PTPRD: variants seen among roughly 807,000 people sequenced by gnomAD.
PTPRD encodes receptor-type tyrosine-protein phosphatase delta.
PTPRD carries 34 observed loss-of-function variants against 214.5 expected under a neutral mutation model. That is an observed-to-expected ratio of 0.16 (90% CI 0.12 to 0.21). PTPRD has a LOEUF of 0.21. Ranked by LOEUF, PTPRD falls within the 10% of genes least tolerant of loss-of-function variation. The pLI is 1.00. For synonymous variants in PTPRD, 1,128 were observed against 845.7 expected, an observed-to-expected ratio of 1.33 and a Z score of -5.79; for missense variants, 2,545 against 2,398.7, an observed-to-expected ratio of 1.06 and a Z score of -1.27.
chr9:10,004,415 C>T (rs1385084458), intron 4 of PTPRD, among the ~76,000 whole-genome samples: 1 of 151,848 alleles, frequency 6.6e-6, no homozygotes, highest in Non-Finnish European at 1.5e-5. Flanking sequence ...ATTTGCAGAA[C>T]CCCAATCCCC....
intron 8 of PTPRD, among the ~76,000 whole-genome samples, chr9:9,557,686 C>A (rs954421591): frequency 2.6e-5 from 4 of 152,184 alleles, no homozygotes; most frequent in Middle Eastern, 3.2e-3. Context: ...TTAACCAAAA[C>A]ATTCCTTTCT....
intron 2 of PTPRD, among the ~76,000 whole-genome samples, chr9:10,471,795 A>G (rs1400751638): frequency 1.3e-5 from 2 of 152,124 alleles, no homozygotes; most frequent in Admixed American, 6.6e-5. Context: ...ATGTCAGAAA[A>G]TATTTATAAA....
intron 9 of PTPRD, among the ~76,000 whole-genome samples, chr9:9,195,086 G>GTATA (rs540804635): frequency 0.03 from 3,911 of 131,086 alleles, 77 homozygotes; most frequent in South Asian, 0.05. Context: ...GTGTGTTTGT[G>GTATA]TATATATATA....
chr9:9,589,999 G>C (rs1345295447), intron 7 of PTPRD, among the ~76,000 whole-genome samples: 1 of 151,884 alleles, frequency 6.6e-6, no homozygotes, highest in Non-Finnish European at 1.5e-5. Flanking sequence ...TTATTCAAAA[G>C]AGTAAGCAAC....
At chr9:8,882,101 G>T (rs1287032829) in intron 11 of PTPRD, among the ~76,000 whole-genome samples, 2 of 152,190 alleles carry the variant, frequency 1.3e-5, no homozygotes, top group East Asian at 3.9e-4. Flanking sequence ...GAAAAAGTGT[G>T]TTAGAGCAAG....
intron 20 of PTPRD, among the ~76,000 whole-genome samples, chr9:8,518,678 A>C (rs1004933198): frequency 2.6e-5 from 4 of 152,190 alleles, no homozygotes; most frequent in African/African-American, 7.2e-5. Flanking sequence ...TCCTCTACTT[A>C]TTAGCTAAGT....
Position 9,705,179 on chromosome 9 carries a change from T to A in PTPRD, c.-287+29354A>T, listed in dbSNP as rs532026000. ...TCAAATACAATTCAGTATATATTCATAGAATTGCATATGACAGATAATATT... is the reference window on the plus strand; with the variant it reads ...TCAAATACAATTCAGTATATATTCAAAGAATTGCATATGACAGATAATATT... On this transcript the variant is annotated intron_variant, in intron 7 of 45. Coordinates refer to ENST00000381196, the MANE Select transcript of PTPRD (RefSeq NM_002839.4). Among the ~76,000 whole-genome samples the A allele has an allele frequency of 2.6e-5, 4 of 152,314 alleles. No homozygotes were observed. In the South Asian group the frequency reaches 8.3e-4, roughly 32 times the overall value.
chr9:9,590,975 T>A (rs2092667517), intron 7 of PTPRD, among the ~76,000 whole-genome samples: 1 of 151,990 alleles, frequency 6.6e-6, no homozygotes, highest in Non-Finnish European at 1.5e-5. Flanking sequence ...TTTGGTATCT[T>A]AATTAGAATG....
At chr9:10,090,550 AT>A (rs962741987) in intron 3 of PTPRD, among the ~76,000 whole-genome samples, 2 of 150,936 alleles carry the variant, frequency 1.3e-5, no homozygotes, top group African/African-American at 4.9e-5. Context: ...TTTGATACAT[AT>A]TTTTAATGTA....
chr9:9,608,070 AAGATCAC>A (rs2094292469), intron 7 of PTPRD, among the ~76,000 whole-genome samples: 1 of 152,206 alleles, frequency 6.6e-6, no homozygotes, highest in Non-Finnish European at 1.5e-5. Flanking sequence ...CAAAGAGGTT[AAGATCAC>A]TGGCTCCAAA....
Position 10,054,886 on chromosome 9 carries a change from G to C in PTPRD, c.-544-21096C>G, listed in dbSNP as rs2097595809. Among the ~76,000 whole-genome samples the C allele has an allele frequency of 2.6e-5, 4 of 152,068 alleles. No homozygotes were observed. In the South Asian group the frequency reaches 8.3e-4, roughly 32 times the overall value. ...CCATATGTTGAAGTCCTCATACCCTGTGTGATGGTATTTGGGGGTGGGGTC... is the reference window on the plus strand; with the variant it reads ...CCATATGTTGAAGTCCTCATACCCTCTGTGATGGTATTTGGGGGTGGGGTC... On this transcript the variant is annotated intron_variant, in intron 3 of 45. Transcript: ENST00000381196.
At chr9:9,203,003 C>G (rs2099942763) in intron 9 of PTPRD, among the ~76,000 whole-genome samples, 1 of 152,154 alleles carries the variant, frequency 6.6e-6, no homozygotes, top group African/African-American at 2.4e-5. Context: ...CCGTCTTTAT[C>G]CCTTTCTTGA....
chr9:10,159,967 A>G (rs1004664499), intron 3 of PTPRD, among the ~76,000 whole-genome samples: 2 of 152,148 alleles, frequency 1.3e-5, no homozygotes, highest in East Asian at 3.9e-4. Flanking sequence ...AATAATACAA[A>G]ACATTCTAAA....
chr9:10,464,368 A>G (rs2131410021), intron 2 of PTPRD, among the ~76,000 whole-genome samples: 1 of 151,360 alleles, frequency 6.6e-6, no homozygotes, highest in Middle Eastern at 3.4e-3. Context: ...CGATGGAGTG[A>G]GACACCAAAG....
intron 4 of PTPRD, among the ~76,000 whole-genome samples, chr9:9,947,523 T>C (rs1172998526): frequency 7.4e-4 from 17 of 23,052 alleles, no homozygotes; most frequent in African/African-American, 4.0e-3. Context: ...ATATATATAT[T>C]ATATATATTT....
rs1491531578 is a variant in PTPRD at position 9,845,045 on chromosome 9, G to GCT, written c.-367-78196_-367-78195dup. Among the ~76,000 whole-genome samples, 33 of 92,894 alleles carry GCT rather than the reference G, an allele frequency of 3.6e-4. 4 individuals are homozygous for GCT. Among genetic ancestry groups the GCT allele is most frequent in the Non-Finnish European group, 5.5e-4 (23 of 41,640 alleles). 60.9% of individuals were successfully genotyped at this position (92,894 alleles called of 152,430 possible). A position where few individuals can be genotyped will look rare whatever the true frequency, so the allele number is the denominator to read the frequency against. ...ATATATATACTGCTATATATATATA[G>GCT]CTATATATAGAGCAATATATATATA... On this transcript the variant is annotated intron_variant, in intron 5 of 45. Transcript: ENST00000381196.
intron 8 of PTPRD, among the ~76,000 whole-genome samples, chr9:9,517,920 T>G (rs1005757254): frequency 6.6e-6 from 1 of 151,494 alleles, no homozygotes; most frequent in East Asian, 2.0e-4. Context: ...AATCTTAACC[T>G]GTGTTGTATA....
At chr9:10,366,264 G>A (rs1012633529) in intron 2 of PTPRD, among the ~76,000 whole-genome samples, 11 of 152,112 alleles carry the variant, frequency 7.2e-5, no homozygotes, top group Non-Finnish European at 1.3e-4. Context: ...CAACTGGAGA[G>A]AAAACAATAG....
At chr9:9,342,705 G>A (rs538029128) in intron 9 of PTPRD, among the ~76,000 whole-genome samples, 906 of 80,184 alleles carry the variant, frequency 0.011, 6 homozygotes, top group African/African-American at 0.053. Context: ...GTATATCTCT[G>A]ACTTTTTTTT....
Sources: allele counts gnomAD v4.1 joint callset (sites outside exome capture counted in the v4.1 genomes callset), GRCh38; gene constraint gnomAD v4.1.1; transcripts MANE v1.5; gene names NCBI Gene and HGNC (gene_info 2026-07-23, HGNC 2026-07-21).